The following TXNDC11 variants were observed in gnomAD, a reference collection of about 807,000 sequenced individuals.
TXNDC11 encodes thioredoxin domain-containing protein 11.
Under a neutral mutation model 78.0 loss-of-function variants are expected in TXNDC11, and 68 were observed. That is an observed-to-expected ratio of 0.87 (90% confidence interval 0.72 to 1.07). TXNDC11 has a LOEUF of 1.07. TXNDC11 is among the 50% of genes least tolerant of loss of function. TXNDC11 has a pLI of 0.00. For synonymous variants in TXNDC11, 571 were observed against 495.2 expected (o/e 1.15, Z -2.03); for missense variants, 1,389 against 1,221.8 (o/e 1.14, Z -2.04).
Position 11,709,423 on chromosome 16 carries a change from A to ATTT in TXNDC11, c.794-8862_794-8860dup, listed in dbSNP as rs149701958. 7.2e-3 allele frequency among the ~76,000 whole-genome samples: 399 copies of ATTT among 55,566 alleles called. 44 individuals carry two copies. The highest frequency in any genetic ancestry group is 0.029 in the African/African-American group (373 of 12,748). 36.5% of individuals were successfully genotyped at this position (55,566 alleles called of 152,430 possible). On this transcript the variant is annotated intron_variant, in intron 5 of 11. Transcript: ENST00000283033. ...CCACCATGCGTAGCTAATTTTTTGTATTTTTTTTTTTTTTTTTTTTTTTTT... is the reference window on the plus strand; with the variant it reads ...CCACCATGCGTAGCTAATTTTTTGTATTTTTTTTTTTTTTTTTTTTTTTTTTTT...
In TXNDC11 at chr16:11,742,639, T is replaced by C. The variant is rs971880618; in HGVS notation, c.92A>G (p.Asp31Gly). The C allele has an allele frequency of 1.2e-5, 17 of 1,459,674 alleles. No individual in the cohort carries two copies. Among genetic ancestry groups the C allele is most frequent in the Non-Finnish European group, 1.4e-5 (16 of 1,111,644 alleles). The allele number at this position is 1,459,674 out of a possible 1,614,324, so 90.4% of individuals were successfully genotyped here. ...GGGGGGPAGS[D>G]CLSSSPTLAT... ...CAGGGTCGGGCTCGAGCTGAGGCAG[T>C]CTGAGCCCGCGGGGCCGCCGCCGCC... Residue 31 changes from aspartate to glycine, a missense_variant, in exon 1 of 12, where the codon GAC (aspartate) becomes GGC (glycine). By Grantham distance (94) the Asp-to-Gly change is moderately conservative. Coordinates refer to ENST00000283033, the MANE Select transcript of TXNDC11 (RefSeq NM_015914.7).
intron 5 of TXNDC11, among the ~76,000 whole-genome samples, chr16:11,709,034 G>A (rs1010465804): frequency 1.3e-5 from 2 of 151,956 alleles, no homozygotes; most frequent in Non-Finnish European, 2.9e-5. Flanking sequence ...AAAAACCTTC[G>A]AAGAAATGTA....
intron 11 of TXNDC11, among the ~76,000 whole-genome samples, chr16:11,680,852 TC>T (rs1305588214): frequency 6.6e-6 from 1 of 152,150 alleles, no homozygotes. Flanking sequence ...ATATAAGCTT[TC>T]TTCAAGTGGG....
intron 4 of TXNDC11, among the ~76,000 whole-genome samples, chr16:11,724,070 C>T (rs1482723604): frequency 6.6e-6 from 1 of 152,078 alleles, no homozygotes; most frequent in Admixed American, 6.6e-5. Flanking sequence ...TCACTTGAGG[C>T]CAGGAGTTCA....
At chr16:11,689,902 A>C (rs993640811) in intron 8 of TXNDC11, 1 of 152,256 alleles carries the variant, frequency 6.6e-6, no homozygotes, top group Non-Finnish European at 1.5e-5. Context: ...GCCCTTCAAA[A>C]AGTGACTGGT....
rs1272121842 is a variant in TXNDC11, at chr16:11,679,645, T to C, written c.2427A>G (p.Lys809=). The C allele has an allele frequency of 1.5e-5, 24 of 1,614,076 alleles. No homozygotes were observed. The highest frequency in any genetic ancestry group is 1.9e-5 in the Non-Finnish European group (23 of 1,180,054). ...GGAGGCTGCTTATTTCTGCTCTCAG[T>C]TTCTGGATCTCTCTCTCCAAGTGGG... ...HISHLEREIQ[K]LRAEISSLQR... The change falls in exon 12 of 12, where the codon AAA becomes AAG. Residue 809 remains lysine (K), a synonymous_variant. Transcript: ENST00000283033. The surrounding 1 kb of genome is among the most constrained non-coding windows in gnomAD (Gnocchi z 4.6).
intron 3 of TXNDC11, among the ~76,000 whole-genome samples, chr16:11,731,353 A>C (rs930582281): frequency 1.3e-5 from 2 of 152,212 alleles, no homozygotes; most frequent in Admixed American, 6.5e-5. Flanking sequence ...CTGTTTAAAT[A>C]ATCTTTCTTC....
intron 1 of TXNDC11, among the ~76,000 whole-genome samples, chr16:11,741,059 C>T (rs181798058): frequency 1.3e-4 from 20 of 152,096 alleles, no homozygotes; most frequent in African/African-American, 4.8e-4. Flanking sequence ...AGGGCAGCCC[C>T]CACAACACAG....
intron 5 of TXNDC11, among the ~76,000 whole-genome samples, chr16:11,704,492 T>C (rs886656491): frequency 6.6e-6 from 1 of 152,182 alleles, no homozygotes; most frequent in Non-Finnish European, 1.5e-5. Flanking sequence ...ATAGTAACTT[T>C]TCAGTGGAGA....
Position 11,679,307 on chromosome 16 carries a change from G to C in TXNDC11, c.2765C>G (p.Pro922Arg). The C allele has an allele frequency of 6.2e-7, 1 of 1,612,784 alleles. No individual in the cohort carries two copies. The highest frequency in any genetic ancestry group is 1.3e-5 in the African/African-American group (1 of 75,004). ...GGTGGCTGAGGGCTCAGGCTGCTTG[G>C]GGTGGACCTCTCTCTGGGCCGCCAG... Reference protein sequence around the residue: ...ESLAAQREVHPKQPEPSATPQ... With the variant: ...ESLAAQREVHRKQPEPSATPQ... Residue 922 changes from proline to arginine, a missense_variant, in exon 12 of 12, where the codon CCC becomes CGC. Transcript: ENST00000283033. The surrounding 1 kb of genome is among the most constrained non-coding windows in gnomAD (Gnocchi z 4.6).
intron 10 of TXNDC11, among the ~76,000 whole-genome samples, chr16:11,686,954 A>G (rs940027991): frequency 1.3e-5 from 2 of 152,210 alleles, no homozygotes; most frequent in African/African-American, 4.8e-5. Context: ...GCCTTCACTA[A>G]GCGTCGCAAG....
At chr16:11,707,669 G>A (rs1280096005) in intron 5 of TXNDC11, among the ~76,000 whole-genome samples, 1 of 151,294 alleles carries the variant, frequency 6.6e-6, no homozygotes, top group Non-Finnish European at 1.5e-5. Context: ...GGCTGGTCTC[G>A]AACTCCTGAC....
chr16:11,709,583 C>A (rs1002094025), intron 5 of TXNDC11, among the ~76,000 whole-genome samples: 1 of 151,214 alleles, frequency 6.6e-6, no homozygotes, highest in Non-Finnish European at 1.5e-5. Context: ...TACAGGCGCC[C>A]GCTACCATGC....
rs2050982180 is a variant in TXNDC11, at chr16:11,700,498, A to G, written c.860T>C (p.Val287Ala). The G allele has an allele frequency of 6.2e-7, 1 of 1,603,560 alleles. No individual in the cohort carries two copies. Among genetic ancestry groups the G allele is most frequent in the Non-Finnish European group, 8.5e-7 (1 of 1,170,606 alleles). The change falls in exon 6 of 12, where the codon GTA (valine) becomes GCA (alanine). Residue 287 changes from valine to alanine, a missense_variant. Coordinates refer to ENST00000283033, the MANE Select transcript of TXNDC11 (RefSeq NM_015914.7). ...ATGTAAATACACACTTCCAGAGTGTACTAAGGATACCAGTTTCGCAAGATG... is the reference window on the plus strand; with the variant it reads ...ATGTAAATACACACTTCCAGAGTGTGCTAAGGATACCAGTTTCGCAAGATG... ...NKHLAKLVSL[V>A]HSGSVYLHRH... is the part of the protein sequence containing the mutation.
chr16:11,707,962 T>C (rs769477557), intron 5 of TXNDC11, among the ~76,000 whole-genome samples: 1 of 151,948 alleles, frequency 6.6e-6, no homozygotes, highest in East Asian at 1.9e-4. Flanking sequence ...TGTAAGCCTA[T>C]AGTCCTAGCT....
intron 4 of TXNDC11, among the ~76,000 whole-genome samples, chr16:11,728,529 A>G (rs2051950435): frequency 6.6e-6 from 1 of 152,242 alleles, no homozygotes; most frequent in Non-Finnish European, 1.5e-5. Context: ...ACTGTTGTAC[A>G]TCACTCTAAG....
At chr16:11,727,587 T>C (rs1213110148) in intron 4 of TXNDC11, among the ~76,000 whole-genome samples, 3 of 152,066 alleles carry the variant, frequency 2.0e-5, no homozygotes, top group African/African-American at 7.3e-5. Flanking sequence ...AGTGAGTAGT[T>C]TGAGTAAAAA....
chr16:11,698,940 G>A (rs2050934214), intron 6 of TXNDC11, among the ~76,000 whole-genome samples: 1 of 152,190 alleles, frequency 6.6e-6, no homozygotes, highest in Non-Finnish European at 1.5e-5. Context: ...ATAAATGAAA[G>A]AGACACCTAG....
intron 4 of TXNDC11, among the ~76,000 whole-genome samples, chr16:11,729,360 A>G (rs750328686): frequency 6.6e-6 from 1 of 152,210 alleles, no homozygotes; most frequent in African/African-American, 2.4e-5. Context: ...TCTGCTATCT[A>G]TGTAATTAAG....
Sources: gnomAD v4.1 joint callset for allele counts (sites outside exome capture counted in the v4.1 genomes callset) on GRCh38, gnomAD v4.1.1 for gene constraint, Gnocchi (gnomAD v3.1) non-coding constraint, MANE v1.5 for transcripts, NCBI Gene and HGNC (gene_info 2026-07-23, HGNC 2026-07-21) for gene names.